Variants in UBXN11 observed in about 807,000 individuals in gnomAD.
UBXN11 encodes the protein UBX domain protein 11.
A neutral mutation model predicts 62.8 loss-of-function variants in UBXN11; 47 were observed. The ratio of observed to expected loss-of-function variants is 0.75; its 90% confidence interval spans 0.59 to 0.95. The LOEUF is 0.95. Among genes scored for constraint, UBXN11 ranks in the 40% least tolerant of loss-of-function variants. The probability of loss-of-function intolerance (pLI) is 0.00; values close to 1 mark genes in which losing one functional copy is unlikely to be tolerated. For synonymous variants in UBXN11, 294 were observed against 267.0 expected, an observed-to-expected ratio of 1.10 and a Z score of -0.99; for missense variants, 638 against 661.7, an observed-to-expected ratio of 0.96 and a Z score of 0.39.
intron 8 of UBXN11, among the ~76,000 whole-genome samples, chr1:26,287,130 T>TC (rs1486471898): frequency 6.6e-6 from 1 of 152,016 alleles, no homozygotes; most frequent in Non-Finnish European, 1.5e-5. Flanking sequence ...CAAGTCTGTT[T>TC]CCCCCACCCA....
rs1557677260 is a variant in UBXN11, at chr1:26,282,334, TGGGGCCGGG to T, written c.1519_1527del (p.Pro507_Pro509del). On this transcript the variant is annotated inframe_deletion, in exon 15 of 15. Transcript: ENST00000374222. ...CTGGGACTGGGTCCAGGACAGGGACTGGGGCCGGGACCGGGACCGGGACTGGGGCCGGGA... is the reference window on the plus strand; with the variant it reads ...CTGGGACTGGGTCCAGGACAGGGACTACCGGGACCGGGACTGGGGCCGGGA... 6.1e-6 allele frequency: 8 copies of T among 1,304,244 alleles called. No individual in the cohort carries two copies. Among genetic ancestry groups the T allele is most frequent in the Non-Finnish European group, 7.9e-6 (8 of 1,017,870 alleles). 80.8% of individuals were successfully genotyped at this position (1,304,244 alleles called of 1,614,324 possible). A position where few individuals can be genotyped will look rare whatever the true frequency, so the allele number is the denominator to read the frequency against.
chr1:26,296,839 G>A (rs1024524162), intron 7 of UBXN11, 80 bp downstream of exon 7: 17 of 1,457,772 alleles, frequency 1.2e-5, no homozygotes, highest in East Asian at 7.4e-5. Flanking sequence ...AGGTGGGCTC[G>A]GACCCAGCTC....
chr1:26,282,851 A>G lies in UBXN11; in HGVS notation c.1151+13T>C. On this transcript the variant is annotated intron_variant, in intron 13 of 14. Coordinates refer to ENST00000374222, the MANE Select transcript of UBXN11 (RefSeq NM_001389556.1). ...AACGCCCCCAGGCCCTCACCTCCTC[A>G]TCCCGCCCTCACCTCTCTCGCTCAG... 6.2e-7 allele frequency: 1 copy of G among 1,613,554 alleles called. No individual in the cohort carries two copies. Among genetic ancestry groups the G allele is most frequent in the Non-Finnish European group, 8.5e-7 (1 of 1,179,528 alleles).
At chr1:26,299,085 G>T (rs1312334284) in intron 4 of UBXN11, among the ~76,000 whole-genome samples, 1 of 152,118 alleles carries the variant, frequency 6.6e-6, no homozygotes, top group African/African-American at 2.4e-5. Context: ...GCTGAGGAAG[G>T]GTTTTCTTTG....
upstream of UBXN11, among the ~76,000 whole-genome samples, chr1:26,308,289 A>AGAAAG (rs1183281306): frequency 2.6e-5 from 4 of 151,658 alleles, no homozygotes; most frequent in Admixed American, 1.3e-4. Flanking sequence ...AGAAAAGAAA[A>AGAAAG]GAAAAAAGAA....
intron 8 of UBXN11, among the ~76,000 whole-genome samples, chr1:26,292,858 A>G (rs916801297): frequency 1.3e-5 from 2 of 152,074 alleles, no homozygotes; most frequent in Non-Finnish European, 2.9e-5. Flanking sequence ...CCATCTCAAA[A>G]AAAAAAAGAA....
upstream of UBXN11, among the ~76,000 whole-genome samples, chr1:26,309,652 G>A (rs2124679857): frequency 6.6e-6 from 1 of 152,290 alleles, no homozygotes; most frequent in South Asian, 2.1e-4. Flanking sequence ...ATTTGTTGGG[G>A]ATACATTGTA....
chr1:26,289,633 T>G (rs1467598709), intron 8 of UBXN11, among the ~76,000 whole-genome samples: 1 of 152,068 alleles, frequency 6.6e-6, no homozygotes. Context: ...ACGCCCAGGG[T>G]CCTGCCATCC....
chr1:26,290,570 G>A (rs2073238000), intron 8 of UBXN11, among the ~76,000 whole-genome samples: 1 of 152,182 alleles, frequency 6.6e-6, no homozygotes, highest in South Asian at 2.1e-4. Context: ...AGGTGGGGAG[G>A]GGTCAAGCCA....
At chr1:26,295,620 C>T (rs2073373409) in intron 7 of UBXN11, among the ~76,000 whole-genome samples, 1 of 152,212 alleles carries the variant, frequency 6.6e-6, no homozygotes, top group Non-Finnish European at 1.5e-5. Flanking sequence ...TGTCTAAGGC[C>T]TGGATCCTCT....
At chr1:26,303,576 A>G (rs2073590402) in intron 1 of UBXN11, among the ~76,000 whole-genome samples, 2 of 147,380 alleles carry the variant, frequency 1.4e-5, no homozygotes, top group Admixed American at 1.4e-4. Flanking sequence ...CAATGAGATG[A>G]GACTGCACCA....
intron 1 of UBXN11, among the ~76,000 whole-genome samples, chr1:26,316,994 C>T (rs932494398): frequency 4.0e-5 from 6 of 151,602 alleles, no homozygotes; most frequent in African/African-American, 1.2e-4. Context: ...TTTGGGAGGC[C>T]GAGGCAGGCG....
intron 8 of UBXN11, among the ~76,000 whole-genome samples, chr1:26,290,897 C>G (rs1356514743): frequency 1.3e-5 from 2 of 152,076 alleles, no homozygotes; most frequent in Non-Finnish European, 2.9e-5. Flanking sequence ...GCCCCGAGGC[C>G]CAACACCTGG....
rs1337576875 is a variant in UBXN11 at position 26,285,482 on chromosome 1, G to A, written c.834C>T (p.Pro278=). 6 of 1,608,504 alleles carry A rather than the reference G, an allele frequency of 3.7e-6. No homozygotes were observed. In the East Asian group the frequency reaches 1.3e-4, roughly 36 times the overall value. ...FFPSELQRLY[P]NGVPFKVSDL... is the part of the protein sequence containing the mutation. ...TTATCACCTTAAAGGGGACCCCATTGGGGTACAGTCGCTGGAGCTCTGAGG... is the reference window on the plus strand; with the variant it reads ...TTATCACCTTAAAGGGGACCCCATTAGGGTACAGTCGCTGGAGCTCTGAGG... Residue 278 remains proline (P), a synonymous_variant, in exon 10 of 15, where the codon CCC becomes CCT. Coordinates refer to ENST00000374222, the MANE Select transcript of UBXN11 (RefSeq NM_001389556.1).
intron 12 of UBXN11, among the ~76,000 whole-genome samples, chr1:26,283,301 A>G (rs1320671841): frequency 1.3e-5 from 2 of 152,192 alleles, no homozygotes; most frequent in African/African-American, 4.8e-5. Flanking sequence ...GAATGGATGC[A>G]GGGATATTCC....
intron 8 of UBXN11, among the ~76,000 whole-genome samples, chr1:26,293,894 GGTGGCGTT>G (rs2073332697): frequency 6.6e-6 from 1 of 152,140 alleles, no homozygotes; most frequent in South Asian, 2.1e-4. Flanking sequence ...CTTCCAGATT[GGTGGCGTT>G]TTGTAGACTA....
upstream of UBXN11, among the ~76,000 whole-genome samples, chr1:26,309,289 G>A (rs1158159386): frequency 7.6e-6 from 1 of 131,242 alleles, no homozygotes; most frequent in African/African-American, 2.9e-5. Context: ...TCGCCAGGCT[G>A]GAGTGCAGTG....
chr1:26,303,185 G>A, intron 1 of UBXN11: 1 of 275,768 alleles, frequency 3.6e-6, no homozygotes, highest in South Asian at 1.4e-4. Context: ...GGTGGGATGG[G>A]ATGCAGAAAT....
Position 26,301,680 on chromosome 1 carries a change from C to T in UBXN11, c.100+14G>A, listed in dbSNP as rs115714971. On this transcript the variant is annotated intron_variant, in intron 3 of 14. Transcript: ENST00000374222. ...ATGAGAGGCGAAGAGGGCACGAGGGCGGGGCACACTTACCATCTCCATAGA... is the reference window on the plus strand; with the variant it reads ...ATGAGAGGCGAAGAGGGCACGAGGGTGGGGCACACTTACCATCTCCATAGA... 2.7e-3 allele frequency: 4,306 copies of T among 1,613,626 alleles called. 109 individuals carry two copies. The African/African-American group carries it at 0.05, about 19-fold the overall frequency.
Sources: allele counts gnomAD v4.1 joint callset (sites outside exome capture counted in the v4.1 genomes callset), GRCh38; gene constraint gnomAD v4.1.1; transcripts MANE v1.5; gene names NCBI Gene and HGNC (gene_info 2026-07-23, HGNC 2026-07-21).